MYL4: variants seen among roughly 807,000 people sequenced by gnomAD.
The protein encoded by MYL4 is atrial myosin light chain 1.
A neutral mutation model predicts 21.6 loss-of-function variants in MYL4; 16 were observed. That is an observed-to-expected ratio of 0.74 (90% CI 0.50 to 1.12). The LOEUF is 1.12. Ranked by LOEUF, MYL4 falls within the 50% of genes most tolerant of loss-of-function variation. The probability of loss-of-function intolerance (pLI) is 0.00; values close to 1 mark genes in which losing one functional copy is unlikely to be tolerated. For synonymous variants in MYL4, 82 were observed against 95.7 expected (o/e 0.86, Z 0.83); for missense variants, 249 against 252.9 (o/e 0.98, Z 0.11).
At chr17:47,189,948 G>A in the MYL4 span, among the ~76,000 whole-genome samples, 575 of 152,104 alleles carry the variant, frequency 3.8e-3, 3 homozygotes, top group Middle Eastern at 0.017. Flanking sequence ...GGGCAATTGT[G>A]ATAAGATAAG....
At chr17:47,189,766 C>T in the MYL4 span, among the ~76,000 whole-genome samples, 1 of 152,204 alleles carries the variant, frequency 6.6e-6, no homozygotes, top group Admixed American at 6.5e-5. Context: ...CCAGAAGTAT[C>T]TACTCACGGC....
At chr17:47,207,622 G>A (rs897368287), upstream of MYL4, among the ~76,000 whole-genome samples, 6 of 152,182 alleles carry the variant, frequency 3.9e-5, no homozygotes, top group African/African-American at 1.4e-4. Context: ...CTAGAAAGGC[G>A]AAGTGATTTT....
intron 4 of MYL4, 151 bp downstream of exon 4, chr17:47,222,006 C>T: frequency 2.1e-6 from 2 of 948,542 alleles, no homozygotes; most frequent in Non-Finnish European, 1.5e-6. Context: ...TCTCCCTGGG[C>T]TCTGCAAGAA....
upstream of MYL4, among the ~76,000 whole-genome samples, chr17:47,196,388 G>T (rs1048340918): frequency 3.3e-5 from 5 of 152,144 alleles, no homozygotes; most frequent in African/African-American, 1.2e-4. Context: ...GCCACCCGGT[G>T]TGTGGTATGT....
At chr17:47,227,015 C>G (rs775864614), downstream of MYL4, among the ~76,000 whole-genome samples, 78 of 152,168 alleles carry the variant, frequency 5.1e-4, no homozygotes, top group Non-Finnish European at 8.1e-4. Context: ...CCACCACACC[C>G]AGCTAATTTT....
intron 2 of MYL4, among the ~76,000 whole-genome samples, chr17:47,219,470 G>T (rs1236328870): frequency 6.6e-6 from 1 of 152,144 alleles, no homozygotes; most frequent in Admixed American, 6.5e-5. Flanking sequence ...ACCAGAGCGG[G>T]ATGTGTGGGT....
upstream of MYL4, among the ~76,000 whole-genome samples, chr17:47,197,547 A>G (rs1471357290): frequency 1.3e-5 from 2 of 152,202 alleles, no homozygotes; most frequent in Non-Finnish European, 2.9e-5. Context: ...GAAATAAACT[A>G]CAGACAGCCC....
upstream of MYL4, among the ~76,000 whole-genome samples, chr17:47,195,772 G>C (rs1427114057): frequency 2.0e-5 from 3 of 152,092 alleles, no homozygotes; most frequent in Non-Finnish European, 2.9e-5. Flanking sequence ...CTGCTCCTCT[G>C]GGATAGCTTG....
upstream of MYL4, among the ~76,000 whole-genome samples, chr17:47,207,121 A>T (rs1162795928): frequency 6.6e-6 from 1 of 152,150 alleles, no homozygotes; most frequent in Non-Finnish European, 1.5e-5. Flanking sequence ...CACAGAGCAA[A>T]GGAGCCACCA....
chr17:47,203,125 AT>A (rs1282155226), intron 1 of MYL4, among the ~76,000 whole-genome samples: 1 of 151,972 alleles, frequency 6.6e-6, no homozygotes, highest in East Asian at 1.9e-4. Context: ...TGATTTTTGT[AT>A]TTTTAGTAGA....
intron 4 of MYL4, among the ~76,000 whole-genome samples, chr17:47,222,076 C>G (rs1462110615): frequency 6.6e-6 from 1 of 152,086 alleles, no homozygotes; most frequent in Non-Finnish European, 1.5e-5. Context: ...GAGGGGAGAG[C>G]AGGTTGGCAG....
rs1384056520 is a variant in MYL4, at chr17:47,222,380, G to T, written c.488G>T (p.Gly163Val). 6 of 1,614,144 alleles carry T rather than the reference G, an allele frequency of 3.7e-6. 1 individual carries two copies. The Admixed American group carries it at 1.0e-4, about 27-fold the overall frequency. Residue 163 changes from glycine (G) to valine (V), a missense_variant and splice_region_variant, in exon 5 of 7, where the codon GGA becomes GTA. By Grantham distance (109) the Gly-to-Val change is moderately radical. Transcript: ENST00000393450. ...GCACCACCTCCCAAACCCACCGCAG[G>T]AGAGAAGATGACTGAGGCTGAAGTG... Reference protein sequence around the residue: ...AELRHVLATLGEKMTEAEVEQ... With the variant: ...AELRHVLATLVEKMTEAEVEQ...
At chr17:47,199,062 G>A (rs1404627206), upstream of MYL4, among the ~76,000 whole-genome samples, 10 of 145,980 alleles carry the variant, frequency 6.9e-5, no homozygotes, top group South Asian at 4.3e-4. Context: ...GTGAAACCCC[G>A]TCTTTACTAA....
At chr17:47,192,634 T>A in the MYL4 span, among the ~76,000 whole-genome samples, 192 of 151,150 alleles carry the variant, frequency 1.3e-3, no homozygotes, top group African/African-American at 4.3e-3. Context: ...TGGGTGACAG[T>A]GCAAGACTGT....
At chr17:47,206,307 A>G (rs2064728092), upstream of MYL4, among the ~76,000 whole-genome samples, 1 of 152,084 alleles carries the variant, frequency 6.6e-6, no homozygotes, top group South Asian at 2.1e-4. Flanking sequence ...TGCTTCTTAG[A>G]ATTTAGAAAA....
chr17:47,221,957 T>C, intron 4 of MYL4, 102 bp downstream of exon 4: 1 of 1,301,544 alleles, frequency 7.7e-7, no homozygotes, highest in Admixed American at 2.5e-5. Context: ...TATACAAGGG[T>C]CTTTGCATCC....
At chr17:47,202,108 C>T (rs1257589442) in intron 1 of MYL4, among the ~76,000 whole-genome samples, 1 of 152,156 alleles carries the variant, frequency 6.6e-6, no homozygotes, top group African/African-American at 2.4e-5. Context: ...GCCTCAGCCT[C>T]CCGAGTAGCT....
the MYL4 span, among the ~76,000 whole-genome samples, chr17:47,194,228 T>A: frequency 6.6e-6 from 1 of 152,254 alleles, no homozygotes; most frequent in East Asian, 1.9e-4. Context: ...CTTAAAATAT[T>A]TCCTATCCCA....
intron 3 of MYL4, 119 bp from the exon 4 acceptor site, chr17:47,221,563 T>C (rs142068365): frequency 1.7e-6 from 2 of 1,150,884 alleles, no homozygotes; most frequent in Admixed American, 2.1e-5. Flanking sequence ...CCACCCAGAA[T>C]TGGCTGCAGC....
Sources: allele counts gnomAD v4.1 joint callset (sites outside exome capture counted in the v4.1 genomes callset), GRCh38; gene constraint gnomAD v4.1.1; transcripts MANE v1.5; gene names NCBI Gene and HGNC (gene_info 2026-07-23, HGNC 2026-07-21).